SCN9A: variants seen among roughly 807,000 people sequenced by gnomAD.
SCN9A encodes sodium channel protein type 9 subunit alpha.
SCN9A carries 131 observed loss-of-function variants against 187.0 expected under a neutral mutation model. That is an observed-to-expected ratio of 0.70 (90% CI 0.61 to 0.81). The LOEUF (loss-of-function observed/expected upper bound fraction) is 0.81. SCN9A is among the 30% of genes least tolerant of loss of function. The pLI, the probability that SCN9A is intolerant of heterozygous loss-of-function variation, is 0.00. For missense variants in SCN9A, 2,252 were observed against 2,396.6 expected (o/e 0.94, Z 1.26); for synonymous variants, 809 against 808.6 (o/e 1.00, Z -0.01).
At chr2:166,328,497 T>C (rs754822550) in intron 1 of SCN9A, among the ~76,000 whole-genome samples, 1 of 152,174 alleles carries the variant, frequency 6.6e-6, no homozygotes, top group Non-Finnish European at 1.5e-5. Flanking sequence ...TATGCATTTT[T>C]ATTTAAGTAT....
chr2:166,301,921 T>C (rs1016257932), intron 7 of SCN9A: 3 of 151,024 alleles, frequency 2.0e-5, no homozygotes, highest in Non-Finnish European at 4.4e-5. Flanking sequence ...TTCAAAACTT[T>C]CAGTTTTCTT....
intron 11 of SCN9A, among the ~76,000 whole-genome samples, chr2:166,285,586 A>G (rs1697700298): frequency 6.6e-6 from 1 of 152,202 alleles, no homozygotes; most frequent in South Asian, 2.1e-4. Context: ...CCTAGGTTCA[A>G]GTGAAATTTT....
Position 166,198,650 on chromosome 2 carries a change from A to G in SCN9A, c.*22T>C. 1.3e-6 allele frequency: 2 copies of G among 1,516,982 alleles called. No individual in the cohort carries two copies. Among genetic ancestry groups the G allele is most frequent in the Non-Finnish European group, 1.8e-6 (2 of 1,116,452 alleles). 94.0% of individuals were successfully genotyped at this position (1,516,982 alleles called of 1,614,324 possible). A position where few individuals can be genotyped will look rare whatever the true frequency, so the allele number is the denominator to read the frequency against. On this transcript the variant is annotated 3_prime_UTR_variant, in exon 27 of 27. Transcript: ENST00000642356. ...AATAAATCACTTTCACAGGCTGTAA[A>G]CAATATATCAAAAATGAAGCTCTAT... is the stretch of plus-strand genomic sequence containing the variant.
rs1271648309 is a variant in SCN9A at position 166,233,201 on chromosome 2, G to GCA, written c.3924+138_3924+139insTG. ...TATACATATATGCATATGTATATAT[G>GCA]TATATGTACACACACATACATAAAC... On this transcript the variant is annotated intron_variant, in intron 21 of 26. Transcript: ENST00000642356. 0.019 allele frequency: 3,351 copies of GCA among 178,688 alleles called. 130 individuals carry two copies. In the African/African-American group the frequency reaches 0.21, roughly 11 times the overall value. The allele number at this position is 178,688 out of a possible 1,614,324, so 11.1% of individuals were successfully genotyped here. A position where few individuals can be genotyped will look rare whatever the true frequency, so the allele number is the denominator to read the frequency against.
chr2:166,303,981 C>A (rs1177774739), intron 6 of SCN9A: 4 of 1,546,910 alleles, frequency 2.6e-6, no homozygotes, highest in South Asian at 1.1e-5. Flanking sequence ...TTTTTTATGT[C>A]TTTCTTTCAA....
intron 24 of SCN9A, among the ~76,000 whole-genome samples, chr2:166,219,119 G>C (rs1694470252): frequency 6.6e-6 from 1 of 152,172 alleles, no homozygotes; most frequent in Admixed American, 6.5e-5. Flanking sequence ...ACTGTTGATG[G>C]GAGTGTAAAT....
Position 166,242,485 on chromosome 2 carries a change from G to T in SCN9A, c.3627+17C>A, listed in dbSNP as rs201713223. ...TTGACTTAATCAATATATTGACTTA[G>T]GTGTCAGATCATTTACCAGGGCACC... On this transcript the variant is annotated intron_variant, in intron 19 of 26. Transcript: ENST00000642356. 12 of 1,548,308 alleles carry T rather than the reference G, an allele frequency of 7.8e-6. No homozygotes were observed. Among genetic ancestry groups the T allele is most frequent in the Non-Finnish European group, 1.1e-5 (12 of 1,142,788 alleles).
chr2:166,360,256 A>G (rs544886311), intron 1 of SCN9A, among the ~76,000 whole-genome samples: 6 of 149,672 alleles, frequency 4.0e-5, no homozygotes, highest in Non-Finnish European at 8.9e-5. Flanking sequence ...AAAAGAAATT[A>G]AAGTTTATAA....
intron 2 of SCN9A, 92 bp downstream of exon 2, chr2:166,311,407 T>C (rs6432900): frequency 0.4 from 93,648 of 236,672 alleles, 28,186 homozygotes; most frequent in African/African-American, 0.73. Context: ...ATGATATGGT[T>C]ATTCACTAAA....
chr2:166,302,661 G>T (rs1219263960), intron 7 of SCN9A: 1 of 149,802 alleles, frequency 6.7e-6, no homozygotes, highest in Non-Finnish European at 1.5e-5. Context: ...TTATAGTTAT[G>T]AGTACAATCT....
At chr2:166,359,205 C>A (rs550421090) in intron 1 of SCN9A, among the ~76,000 whole-genome samples, 3 of 152,048 alleles carry the variant, frequency 2.0e-5, no homozygotes, top group South Asian at 2.1e-4. Context: ...TATGTGTGTA[C>A]AATTTCCCAA....
Position 166,371,372 on chromosome 2 carries a change from G to T in SCN9A, c.-51+4325C>A, listed in dbSNP as rs147221067. 5.5e-3 allele frequency among the ~76,000 whole-genome samples: 841 copies of T among 152,176 alleles called. 7 individuals carry two copies. The highest frequency in any genetic ancestry group is 0.019 in the African/African-American group (802 of 41,532). ...CCTCTTCCTTCCCCACTTTATCATG[G>T]CCTGGCATTTTTCCTCACCACCCAG... is the stretch of plus-strand genomic sequence containing the variant. On this transcript the variant is annotated intron_variant, in intron 1 of 26. Coordinates refer to ENST00000642356, the MANE Select transcript of SCN9A (RefSeq NM_001365536.1).
Position 166,267,046 on chromosome 2 carries a change from T to A in SCN9A, c.3351+5353A>T, listed in dbSNP as rs976520120. 5.3e-5 allele frequency among the ~76,000 whole-genome samples: 8 copies of A among 151,998 alleles called. No homozygotes were observed. The South Asian group carries it at 8.3e-4, about 16-fold the overall frequency. ...CTTTCCAATTTAAATGTCCTTTATT[T>A]CTTTCTCTTGCCTGATTGCTCTGGC... On this transcript the variant is annotated intron_variant, in intron 17 of 26. Coordinates refer to ENST00000642356, the MANE Select transcript of SCN9A (RefSeq NM_001365536.1).
chr2:166,272,209 A>C (rs765402054), intron 17 of SCN9A, among the ~76,000 whole-genome samples, 190 bp downstream of exon 17: 9 of 152,102 alleles, frequency 5.9e-5, no homozygotes, highest in Non-Finnish European at 7.4e-5. Flanking sequence ...AGATTAAATC[A>C]ATTATTAAGA....
chr2:166,315,518 G>A (rs1699088098), intron 1 of SCN9A, among the ~76,000 whole-genome samples: 1 of 152,190 alleles, frequency 6.6e-6, no homozygotes, highest in Admixed American at 6.5e-5. Flanking sequence ...ATTAAAGGAA[G>A]ACACTAAGCA....
At chr2:166,344,780 A>C (rs1699862838) in intron 1 of SCN9A, among the ~76,000 whole-genome samples, 1 of 152,204 alleles carries the variant, frequency 6.6e-6, no homozygotes, top group South Asian at 2.1e-4. Context: ...CCAAACTAAG[A>C]GGTGGAAATT....
chr2:166,340,172 A>G (rs1200293885), intron 1 of SCN9A, among the ~76,000 whole-genome samples: 1 of 152,198 alleles, frequency 6.6e-6, no homozygotes, highest in African/African-American at 2.4e-5. Context: ...CATCTTGGGA[A>G]GAATGTACTC....
intron 7 of SCN9A, among the ~76,000 whole-genome samples, chr2:166,295,521 G>T (rs1698261061): frequency 6.6e-6 from 1 of 152,068 alleles, no homozygotes; most frequent in Non-Finnish European, 1.5e-5. Context: ...ACTCAATATT[G>T]TAGGCAACTG....
chr2:166,272,357 T>G, intron 17 of SCN9A, 42 bp downstream of exon 17: 1 of 1,212,656 alleles, frequency 8.2e-7, no homozygotes, highest in East Asian at 2.5e-5. Flanking sequence ...CATTTCATAC[T>G]AATTGTTAAT....
Sources: gnomAD v4.1 joint callset for allele counts (sites outside exome capture counted in the v4.1 genomes callset) on GRCh38, gnomAD v4.1.1 for gene constraint, MANE v1.5 for transcripts, NCBI Gene and HGNC (gene_info 2026-07-23, HGNC 2026-07-21) for gene names.